The following TXNDC15 variants were observed in gnomAD, a reference collection of about 807,000 sequenced individuals.
TXNDC15 encodes thioredoxin domain-containing protein 15.
A neutral mutation model predicts 35.0 loss-of-function variants in TXNDC15; 24 were observed. The observed-to-expected ratio is 0.68, with a 90% CI of 0.50 to 0.96. The LOEUF (loss-of-function observed/expected upper bound fraction) is 0.96. Among genes scored for constraint, TXNDC15 ranks in the 40% least tolerant of loss-of-function variants. TXNDC15 has a pLI of 0.00. For synonymous variants in TXNDC15, 169 were observed against 174.0 expected (o/e 0.97, Z 0.23); for missense variants, 385 against 453.3 (o/e 0.85, Z 1.37).
intron 1 of TXNDC15, among the ~76,000 whole-genome samples, chr5:134,877,612 T>C (rs548047384): frequency 1.3e-5 from 2 of 152,070 alleles, no homozygotes; most frequent in East Asian, 3.9e-4. Context: ...GTGAAATTTT[T>C]TTTTTTCTTT....
chr5:134,874,577 G>A (rs1212530011), intron 1 of TXNDC15, 47 bp downstream of exon 1: 2 of 1,482,614 alleles, frequency 1.3e-6, no homozygotes, highest in Non-Finnish European at 1.8e-6. Flanking sequence ...GGCGAGCTGA[G>A]GTCCACCCGG....
chr5:134,889,594 A>G (rs1214530372), intron 2 of TXNDC15, among the ~76,000 whole-genome samples: 1 of 152,188 alleles, frequency 6.6e-6, no homozygotes, highest in Non-Finnish European at 1.5e-5. Context: ...GTTCAGACTT[A>G]GCTCTGCTGA....
At chr5:134,874,624 C>T (rs1749994296) in intron 1 of TXNDC15, 94 bp downstream of exon 1, 11 of 996,752 alleles carry the variant, frequency 1.1e-5, no homozygotes, top group Non-Finnish European at 1.6e-5. Context: ...CGGCGGTGCG[C>T]GACTCGCCCC....
chr5:134,888,946 G>A (rs1215995406), intron 2 of TXNDC15, among the ~76,000 whole-genome samples: 1 of 152,202 alleles, frequency 6.6e-6, no homozygotes, highest in African/African-American at 2.4e-5. Context: ...ATTTCTGTGG[G>A]GTGGTTCAGA....
At chr5:134,882,186 G>A (rs1192798226) in intron 1 of TXNDC15, among the ~76,000 whole-genome samples, 14 of 150,704 alleles carry the variant, frequency 9.3e-5, no homozygotes, top group African/African-American at 3.4e-4. Context: ...GGGCAGAGAC[G>A]CTCCTCACAT....
intron 2 of TXNDC15, among the ~76,000 whole-genome samples, chr5:134,891,761 C>CA (rs1000738484): frequency 3.3e-5 from 5 of 151,910 alleles, no homozygotes; most frequent in African/African-American, 1.2e-4. Context: ...CTTATCTCTA[C>CA]AAAAAATACA....
Position 134,883,045 on chromosome 5 carries a change from T to G in TXNDC15, c.104-4650T>G, listed in dbSNP as rs2150185488. On this transcript the variant is annotated intron_variant, in intron 1 of 4. Transcript: ENST00000358387. ...TGGCTCATGCCTGTAATCCCAGAATTTGGGAGGCTGAGGCGGGCAGATTAC... is the reference window on the plus strand; with the variant it reads ...TGGCTCATGCCTGTAATCCCAGAATGTGGGAGGCTGAGGCGGGCAGATTAC... Among the ~76,000 whole-genome samples, 3 of 152,084 alleles carry G rather than the reference T, an allele frequency of 2.0e-5. No homozygotes were observed. In the Middle Eastern group the frequency reaches 0.01, roughly 517 times the overall value.
Position 134,897,357 on chromosome 5 carries a change from C to T in TXNDC15, c.886+933C>T, listed in dbSNP as rs180735060. Among the ~76,000 whole-genome samples the T allele has an allele frequency of 3.2e-4, 48 of 152,234 alleles. No homozygotes were observed. The East Asian group carries it at 4.8e-3, about 15-fold the overall frequency. On this transcript the variant is annotated intron_variant, in intron 4 of 4. Transcript: ENST00000358387. ...CTGCCTCCTGGGTTAAAACGATTCT[C>T]CTGCCTCAGCCTTTCTAGTAGCTGG...
At position 134,881,657 on chromosome 5, in the gene TXNDC15, C is replaced by T. The variant is rs1319962489; in HGVS notation, c.104-6038C>T. ...CCACCTTTCCCCCCTTTCTATTCCA[C>T]AAAACTGCCATTGTCATCATGGCCC... On this transcript the variant is annotated intron_variant, in intron 1 of 4. Coordinates refer to ENST00000358387, the MANE Select transcript of TXNDC15 (RefSeq NM_024715.4). Among the ~76,000 whole-genome samples, 4 of 142,798 alleles carry T rather than the reference C, an allele frequency of 2.8e-5. No homozygotes were observed. In the South Asian group the frequency reaches 9.5e-4, roughly 34 times the overall value. The allele number at this position is 142,798 out of a possible 152,430, so 93.7% of individuals were successfully genotyped here. A position where few individuals can be genotyped will look rare whatever the true frequency, so the allele number is the denominator to read the frequency against.
intron 1 of TXNDC15, among the ~76,000 whole-genome samples, chr5:134,882,923 CTACTT>C (rs1750189561): frequency 6.6e-6 from 1 of 152,212 alleles, no homozygotes; most frequent in Non-Finnish European, 1.5e-5. Context: ...TCCGTATTGT[CTACTT>C]TACCATTATT....
chr5:134,892,523 T>C (rs1446538438), intron 2 of TXNDC15: 1 of 152,232 alleles, frequency 6.6e-6, no homozygotes, highest in Non-Finnish European at 1.5e-5. Flanking sequence ...GCATCAGAGG[T>C]CACCACACTG....
At chr5:134,886,048 T>A (rs1046968806) in intron 1 of TXNDC15, among the ~76,000 whole-genome samples, 3 of 152,154 alleles carry the variant, frequency 2.0e-5, no homozygotes, top group Non-Finnish European at 4.4e-5. Context: ...AGAGAAGAAT[T>A]TGAATGATTC....
At position 134,884,858 on chromosome 5, in the gene TXNDC15, A is replaced by G. The variant is rs943755110; in HGVS notation, c.104-2837A>G. ...TTCCTTATATGTCTGATAATTTTTT[A>G]CTGGATGCCAGACATGAATTTTACT... On this transcript the variant is annotated intron_variant, in intron 1 of 4. Coordinates refer to ENST00000358387, the MANE Select transcript of TXNDC15 (RefSeq NM_024715.4). Among the ~76,000 whole-genome samples, 5 of 150,078 alleles carry G rather than the reference A, an allele frequency of 3.3e-5. No homozygotes were observed. In the East Asian group the frequency reaches 9.7e-4, roughly 29 times the overall value.
intron 1 of TXNDC15, among the ~76,000 whole-genome samples, chr5:134,885,752 T>C (rs55882104): frequency 6.6e-6 from 1 of 152,270 alleles, no homozygotes; most frequent in Non-Finnish European, 1.5e-5. Flanking sequence ...GTTGGAGCAG[T>C]TGTAGGGTTC....
Position 134,899,644 on chromosome 5 carries a change from C to A in TXNDC15, c.1042C>A (p.Arg348=). 1 of 1,612,178 alleles carries A rather than the reference C, an allele frequency of 6.2e-7. No individual in the cohort carries two copies. The highest frequency in any genetic ancestry group is 2.2e-5 in the East Asian group (1 of 44,818). ...MYATIRTESI[R]WLIPGQEQEH... is the part of the protein sequence containing the mutation. ...TGCTACCATTCGAACTGAGAGTATT[C>A]GGTGGCTAATTCCAGGACAAGAGCA... is the stretch of plus-strand genomic sequence containing the variant. Residue 348 remains arginine (R), a synonymous_variant, in exon 5 of 5, where the codon CGG becomes AGG. Coordinates refer to ENST00000358387, the MANE Select transcript of TXNDC15 (RefSeq NM_024715.4).
intron 1 of TXNDC15, among the ~76,000 whole-genome samples, chr5:134,884,318 G>A (rs1254202438): frequency 2.7e-5 from 4 of 149,440 alleles, no homozygotes; most frequent in African/African-American, 7.4e-5. Context: ...GCACTATCTC[G>A]GCTCACCACA....
intron 2 of TXNDC15, 50 bp downstream of exon 2, chr5:134,888,232 AT>A (rs1750318140): frequency 6.7e-7 from 1 of 1,491,434 alleles, no homozygotes; most frequent in African/African-American, 1.4e-5. Context: ...CATTTATTTT[AT>A]GATTAATACC....
At position 134,899,560 on chromosome 5, in the gene TXNDC15, A is replaced by G. The variant is rs200560693; in HGVS notation, c.958A>G (p.Lys320Glu). The change falls in exon 5 of 5, where the codon AAA (lysine) becomes GAA (glutamate). Residue 320 changes from lysine to glutamate, a missense_variant. Transcript: ENST00000358387. ...AGGCCCTCTTCCCAGCACTTTGATA[A>G]AAAGTGTGGACTGGTTGCTTGTATT... Reference protein sequence around the residue: ...QIGPLPSTLIKSVDWLLVFSL... With the variant: ...QIGPLPSTLIESVDWLLVFSL... 3.1e-6 allele frequency: 5 copies of G among 1,614,040 alleles called. No homozygotes were observed. Among genetic ancestry groups the G allele is most frequent in the Non-Finnish European group, 3.4e-6 (4 of 1,180,008 alleles).
intron 1 of TXNDC15, among the ~76,000 whole-genome samples, chr5:134,886,271 C>G (rs981206753): frequency 3.9e-5 from 6 of 152,222 alleles, no homozygotes; most frequent in Non-Finnish European, 7.3e-5. Flanking sequence ...CCAGACCTTC[C>G]CAACTTTGAA....
Sources: allele counts gnomAD v4.1 joint callset (sites outside exome capture counted in the v4.1 genomes callset), GRCh38; gene constraint gnomAD v4.1.1; transcripts MANE v1.5; gene names NCBI Gene and HGNC (gene_info 2026-07-23, HGNC 2026-07-21).